IL12B: variants seen among roughly 807,000 people sequenced by gnomAD.
The protein encoded by IL12B is interleukin-12 subunit beta.
In IL12B, 27 loss-of-function variants were observed where a neutral mutation model predicts 39.2. That is an observed-to-expected ratio of 0.69 (90% CI 0.51 to 0.95). The LOEUF is 0.95. Among genes scored for constraint, IL12B ranks in the 40% least tolerant of loss-of-function variants. The probability of loss-of-function intolerance (pLI) is 0.00; values close to 1 mark genes in which losing one functional copy is unlikely to be tolerated. For missense variants in IL12B, 351 were observed against 397.6 expected (o/e 0.88, Z 1.00); for synonymous variants, 142 against 152.1 (o/e 0.93, Z 0.49).
intron 2 of IL12B, 145 bp from the exon 3 acceptor site, chr5:159,323,474 A>C (rs1343328277): frequency 1.4e-5 from 11 of 777,656 alleles, no homozygotes; most frequent in Non-Finnish European, 2.2e-5. Flanking sequence ...AGATGATCTC[A>C]AGGCATGAGA....
chr5:159,316,646 A>G (rs1432406597), intron 7 of IL12B, 39 bp downstream of exon 7: 1 of 1,589,156 alleles, frequency 6.3e-7, no homozygotes, highest in South Asian at 1.1e-5. Flanking sequence ...AGGTGCACTG[A>G]GAGTGCAGGC....
Position 159,315,006 on chromosome 5 carries a change from G to T in IL12B, c.*1095C>A, listed in dbSNP as rs1368439. The T allele has an allele frequency of 0.87, 132,911 of 152,324 alleles. 58,212 individuals are homozygous for T. The highest frequency in any genetic ancestry group is 1 in the East Asian group (5,261 of 5,286). 9.4% of individuals were successfully genotyped at this position (152,324 alleles called of 1,614,324 possible). A position where few individuals can be genotyped will look rare whatever the true frequency, so the allele number is the denominator to read the frequency against. ...TCTTTGCATCTGTCTGCTTCTCACAGGGCTGTTAAGAAGCCACCTGCCATT... is the reference window on the plus strand; with the variant it reads ...TCTTTGCATCTGTCTGCTTCTCACATGGCTGTTAAGAAGCCACCTGCCATT... On this transcript the variant is annotated 3_prime_UTR_variant, in exon 8 of 8. Coordinates refer to ENST00000231228, the MANE Select transcript of IL12B (RefSeq NM_002187.3).
At position 159,320,372 on chromosome 5, in the gene IL12B, T is replaced by C; in HGVS notation, c.631A>G (p.Met211Val). ...TTGAGCTTGTGAACGGCATCCACCA[T>C]GACCTCAATGGGCAGACTCTCCTCA... The part of the protein sequence containing the change: ...AAEESLPIEV[M>V]VDAVHKLKYE... Residue 211 changes from methionine to valine, a missense_variant, in exon 5 of 8, where the codon ATG (methionine) becomes GTG (valine). Physicochemically the swap from Met to Val is conservative, Grantham distance 21 (BLOSUM62 1). Coordinates refer to ENST00000231228, the MANE Select transcript of IL12B (RefSeq NM_002187.3). 6.2e-7 allele frequency: 1 copy of C among 1,614,200 alleles called. No individual in the cohort carries two copies. Among genetic ancestry groups the C allele is most frequent in the Non-Finnish European group, 8.5e-7 (1 of 1,180,034 alleles).
rs1754123043 is a variant in IL12B at position 159,323,110 on chromosome 5, A to G, written c.308T>C (p.Leu103Pro). ...GGEVLSHSLL[L>P]LHKKEDGIWS... ...AATTCCATCTTCCTTTTTGTGAAGCAGCAGGAGCGAATGGCTTAGAACCTC... is the reference window on the plus strand; with the variant it reads ...AATTCCATCTTCCTTTTTGTGAAGCGGCAGGAGCGAATGGCTTAGAACCTC... Residue 103 changes from leucine to proline, a missense_variant, in exon 3 of 8, where the codon CTG becomes CCG. Coordinates refer to ENST00000231228, the MANE Select transcript of IL12B (RefSeq NM_002187.3). The G allele has an allele frequency of 1.2e-6, 2 of 1,614,184 alleles. No homozygotes were observed. The highest frequency in any genetic ancestry group is 1.1e-5 in the South Asian group (1 of 91,086).
At chr5:159,318,016 AATG>A (rs916437191) in intron 6 of IL12B, 3 of 152,648 alleles carry the variant, frequency 2.0e-5, no homozygotes, top group Non-Finnish European at 4.4e-5. Flanking sequence ...TCACTTGTGA[AATG>A]ATGATAATAC....
chr5:159,326,186 C>A (rs903879438), intron 2 of IL12B, among the ~76,000 whole-genome samples: 1 of 152,136 alleles, frequency 6.6e-6, no homozygotes, highest in Non-Finnish European at 1.5e-5. Context: ...TTAGAGGTGA[C>A]CCAGCTTAAA....
chr5:159,316,715 C>G lies in IL12B; in HGVS notation c.957G>C (p.Trp319Cys). Residue 319 changes from tryptophan (W) to cysteine (C), a missense_variant, in exon 7 of 8, where the codon TGG (tryptophan) becomes TGC (cysteine). Physicochemically the swap from Trp to Cys is radical, Grantham distance 215 (BLOSUM62 -2). Coordinates refer to ENST00000231228, the MANE Select transcript of IL12B (RefSeq NM_002187.3). ...TGCAGGGCACAGATGCCCATTCGCT[C>G]CAAGATGAGCTATAGTAGCGGTCCT... ...RAQDRYYSSS[W>C]SEWASVPCS 6.2e-7 allele frequency: 1 copy of G among 1,613,888 alleles called. No individual in the cohort carries two copies. Among genetic ancestry groups the G allele is most frequent in the Non-Finnish European group, 8.5e-7 (1 of 1,179,968 alleles).
rs181807125 is a variant in IL12B at position 159,314,915 on chromosome 5, C to A, written c.*1186G>T. 4 of 152,388 alleles carry A rather than the reference C, an allele frequency of 2.6e-5. No individual in the cohort carries two copies. The highest frequency in any genetic ancestry group is 9.6e-5 in the African/African-American group (4 of 41,546). The allele number at this position is 152,388 out of a possible 1,614,324, so 9.4% of individuals were successfully genotyped here. On this transcript the variant is annotated 3_prime_UTR_variant, in exon 8 of 8. Transcript: ENST00000231228. ...ACTTAAAAGTAGCACCTTCATGGAG[C>A]CATATTTTCTGGTCATAATTGTGTA...
chr5:159,320,770 T>C (rs1265067257), intron 4 of IL12B, among the ~76,000 whole-genome samples: 1 of 152,242 alleles, frequency 6.6e-6, no homozygotes. Flanking sequence ...GAATCTCTGA[T>C]TATTAAACCC....
rs778843948 is a variant in IL12B at position 159,318,861 on chromosome 5, T to C, written c.730A>G (p.Lys244Glu). 1 of 1,614,088 alleles carries C rather than the reference T, an allele frequency of 6.2e-7. No individual in the cohort carries two copies. Among genetic ancestry groups the C allele is most frequent in the Admixed American group, 1.7e-5 (1 of 60,020 alleles). The change falls in exon 6 of 8, where the codon AAG (lysine) becomes GAG (glutamate). Residue 244 changes from lysine to glutamate, a missense_variant. By Grantham distance (56) the Lys-to-Glu change is moderately conservative. Coordinates refer to ENST00000231228, the MANE Select transcript of IL12B (RefSeq NM_002187.3). The stretch of plus-strand genomic sequence containing the variant: ...ACCTGCCGAGAATTCTTTAATGGCT[T>C]CAGCTGCAAGTTCTTGGGTGGGTCA... ...KPDPPKNLQL[K>E]PLKNSRQVEV... is the part of the protein sequence containing the mutation.
At chr5:159,317,369 A>G (rs1333939589) in intron 6 of IL12B, among the ~76,000 whole-genome samples, 1 of 152,246 alleles carries the variant, frequency 6.6e-6, no homozygotes, top group Non-Finnish European at 1.5e-5. Context: ...TCTTTAGCAC[A>G]TAGGAAGCAC....
At chr5:159,320,996 C>T (rs1754077849) in intron 4 of IL12B, among the ~76,000 whole-genome samples, 1 of 137,502 alleles carries the variant, frequency 7.3e-6, no homozygotes, top group African/African-American at 2.8e-5. Flanking sequence ...CTTTCTCTCT[C>T]TCTCTCTCTT....
At chr5:159,318,623 G>T in intron 6 of IL12B, 113 bp downstream of exon 6, 1 of 987,452 alleles carries the variant, frequency 1.0e-6, no homozygotes, top group Non-Finnish European at 1.6e-6. Flanking sequence ...ATGTATCCCT[G>T]TTGTTAAGTG....
At chr5:159,319,908 AAATGCT>A (rs1754058004) in intron 5 of IL12B, among the ~76,000 whole-genome samples, 1 of 152,222 alleles carries the variant, frequency 6.6e-6, no homozygotes, top group African/African-American at 2.4e-5. Context: ...GTCCCTTTTC[AAATGCT>A]AAGGAAGGAT....
intron 2 of IL12B, chr5:159,325,635 C>T (rs1754173849): frequency 6.6e-6 from 1 of 152,148 alleles, no homozygotes; most frequent in South Asian, 2.1e-4. Flanking sequence ...GGGATCAAGT[C>T]CCTGTTCCAC....
chr5:159,323,389 T>G, intron 2 of IL12B, 60 bp from the exon 3 acceptor site: 1 of 1,543,694 alleles, frequency 6.5e-7, no homozygotes, highest in Non-Finnish European at 8.9e-7. Flanking sequence ...GGGACTGTGT[T>G]TTATTAACCC....
At chr5:159,327,865 G>A (rs1215718690) in intron 1 of IL12B, among the ~76,000 whole-genome samples, 1 of 152,164 alleles carries the variant, frequency 6.6e-6, no homozygotes, top group Non-Finnish European at 1.5e-5. Flanking sequence ...AGTATCCAGG[G>A]TTTATGAAAA....
At chr5:159,322,558 G>A in intron 3 of IL12B, 47 bp from the exon 4 acceptor site, 2 of 1,248,650 alleles carry the variant, frequency 1.6e-6, no homozygotes, top group Non-Finnish European at 2.4e-6. Flanking sequence ...GTTTTTTGCA[G>A]AAAGGTTTTG....
rs183111978 is a variant in IL12B, at chr5:159,323,261, G to C, written c.157C>G (p.Pro53Ala). Reference sequence around the variant, plus strand: ...GTCCAGGTGATACCATCTTCTTCAGGGGTGTCACAGGTGAGGACCACCATT... The same window carrying C: ...GTCCAGGTGATACCATCTTCTTCAGCGGTGTCACAGGTGAGGACCACCATT... ...GEMVVLTCDT[P>A]EEDGITWTLD... The change falls in exon 3 of 8, where the codon CCT becomes GCT. Residue 53 changes from proline to alanine, a missense_variant. Physicochemically the swap from Pro to Ala is conservative, Grantham distance 27 (BLOSUM62 -1). Transcript: ENST00000231228. The C allele has an allele frequency of 2.5e-6, 4 of 1,613,700 alleles. No individual in the cohort carries two copies. In the East Asian group the frequency reaches 8.9e-5, roughly 36 times the overall value.
Sources: gnomAD v4.1 joint callset for allele counts (sites outside exome capture counted in the v4.1 genomes callset) on GRCh38, gnomAD v4.1.1 for gene constraint, MANE v1.5 for transcripts, NCBI Gene and HGNC (gene_info 2026-07-23, HGNC 2026-07-21) for gene names.